The following URB1 variants were observed in gnomAD, a reference collection of about 807,000 sequenced individuals.
The protein encoded by URB1 is URB1 ribosome biogenesis factor, also known as nucleolar pre-ribosomal-associated protein 1.
In URB1, 197 loss-of-function variants were observed where a neutral mutation model predicts 242.3. The ratio of observed to expected loss-of-function variants is 0.81; its 90% CI spans 0.72 to 0.91. URB1 has a LOEUF of 0.91. URB1 is among the 40% of genes least tolerant of loss of function. The probability of loss-of-function intolerance (pLI) is 0.00; values close to 1 mark genes in which losing one functional copy is unlikely to be tolerated. For synonymous variants in URB1, 1,153 were observed against 1,201.8 expected, an observed-to-expected ratio of 0.96 and a Z score of 0.84; for missense variants, 2,721 against 2,860.5, an observed-to-expected ratio of 0.95 and a Z score of 1.11.
Position 32,363,224 on chromosome 21 carries a change from C to G in URB1, c.1441G>C (p.Glu481Gln). The change falls in exon 11 of 39, where the codon GAA (glutamate) becomes CAA (glutamine). Residue 481 changes from glutamate (E) to glutamine (Q), a missense_variant. By Grantham distance (29) the Glu-to-Gln change is conservative. Coordinates refer to ENST00000382751, the MANE Select transcript of URB1 (RefSeq NM_014825.3). ...ATCACAGCTGTGTACACGCCTGATT[C>G]CTGCCACACCTCTTTATTCAGGCAG... ...DHCLNKEVWQESGVYTAVMME... is the reference protein window; with the variant it reads ...DHCLNKEVWQQSGVYTAVMME... 1 of 1,552,132 alleles carries G rather than the reference C, an allele frequency of 6.4e-7. No homozygotes were observed. Among genetic ancestry groups the G allele is most frequent in the Non-Finnish European group, 8.7e-7 (1 of 1,147,086 alleles).
intron 30 of URB1, among the ~76,000 whole-genome samples, chr21:32,328,612 G>A (rs543867208): frequency 6.6e-6 from 1 of 152,264 alleles, no homozygotes; most frequent in South Asian, 2.1e-4. Context: ...AATACATTTG[G>A]GAAAGAGAAA....
chr21:32,334,362 G>A (rs756367010), intron 28 of URB1, 28 bp from the exon 29 acceptor site: 1 of 1,525,054 alleles, frequency 6.6e-7, no homozygotes, highest in African/African-American at 1.4e-5. Flanking sequence ...AAAAGAGACT[G>A]GTCACAGAGC....
chr21:32,369,444 G>T (rs1399286084), intron 8 of URB1, among the ~76,000 whole-genome samples: 2 of 152,054 alleles, frequency 1.3e-5, no homozygotes, highest in Non-Finnish European at 2.9e-5. Context: ...TTGAAAGGGG[G>T]ATTTGTTTTA....
chr21:32,338,646 T>C (rs2123567548), intron 26 of URB1, 61 bp downstream of exon 26: 1 of 1,529,704 alleles, frequency 6.5e-7, no homozygotes, highest in East Asian at 2.5e-5. Flanking sequence ...GTGCAGCCAG[T>C]GTAAGGAAAT....
At chr21:32,369,888 A>G (rs780641736) in intron 8 of URB1, among the ~76,000 whole-genome samples, 1 of 151,834 alleles carries the variant, frequency 6.6e-6, no homozygotes, top group Non-Finnish European at 1.5e-5. Context: ...AGATAATAAA[A>G]GCAGGTGAGC....
Position 32,359,820 on chromosome 21 carries a change from G to A in URB1, c.1845C>T (p.Ser615=), listed in dbSNP as rs1371740871. 16 of 1,546,706 alleles carry A rather than the reference G, an allele frequency of 1.0e-5. No homozygotes were observed. Among genetic ancestry groups the A allele is most frequent in the Middle Eastern group, 1.7e-4 (1 of 5,960 alleles). The change falls in exon 14 of 39, where the codon AGC becomes AGT. Residue 615 remains serine, a synonymous_variant. Coordinates refer to ENST00000382751, the MANE Select transcript of URB1 (RefSeq NM_014825.3). ...MLKVALELPA[S]KFLWLKAQEG... ...CCTGTGCCTTTAACCACAGAAACTT[G>A]CTGGCCGGCAGCTCCAGGGCCACCT...
Position 32,347,803 on chromosome 21 carries a change from C to A in URB1, c.3021G>T (p.Glu1007Asp). 1 of 1,542,826 alleles carries A rather than the reference C, an allele frequency of 6.5e-7. No individual in the cohort carries two copies. The highest frequency in any genetic ancestry group is 8.7e-7 in the Non-Finnish European group (1 of 1,145,416). ...GCCTGAGGATGGCCACAAGCACCTCCTCCAGCGTCTGAAAGGCAGTGACGA... is the reference window on the plus strand; with the variant it reads ...GCCTGAGGATGGCCACAAGCACCTCATCCAGCGTCTGAAAGGCAGTGACGA... ...SLELANDQTL[E>D]EVLVAILRHP... The change falls in exon 22 of 39, where the codon GAG (glutamate) becomes GAT (aspartate). Residue 1007 changes from glutamate (E) to aspartate (D), a missense_variant. Transcript: ENST00000382751.
In URB1 at chr21:32,361,759, C is replaced by T. The variant is rs1356288451; in HGVS notation, c.1639+133G>A. On this transcript the variant is annotated intron_variant, in intron 12 of 38. Coordinates refer to ENST00000382751, the MANE Select transcript of URB1 (RefSeq NM_014825.3). ...CTCCCTAAGCAAAAAAGGATATAGA[C>T]ACATTCACAGCCAGAGGTGCCTTGA... 5 of 1,284,268 alleles carry T rather than the reference C, an allele frequency of 3.9e-6. No homozygotes were observed. In the East Asian group the frequency reaches 7.7e-5, roughly 20 times the overall value. The allele number at this position is 1,284,268 out of a possible 1,614,324, so 79.6% of individuals were successfully genotyped here.
At chr21:32,353,044 G>A in intron 18 of URB1, 138 bp from the exon 19 acceptor site, 1 of 865,612 alleles carries the variant, frequency 1.2e-6, no homozygotes, top group Admixed American at 2.9e-5. Flanking sequence ...ATAACCACAG[G>A]GAAGGAATTG....
intron 5 of URB1, among the ~76,000 whole-genome samples, chr21:32,377,532 A>AG (rs545434234): frequency 2.0e-5 from 3 of 151,920 alleles, no homozygotes; most frequent in Non-Finnish European, 4.4e-5. Flanking sequence ...GGTAACAAGT[A>AG]GGAAAAAAAA....
rs2032613574 is a variant in URB1 at position 32,312,889 on chromosome 21, A to C, written c.*2029T>G. The stretch of plus-strand genomic sequence containing the variant: ...TTTCTAATTTAGCATTTTATATTTT[A>C]AGTCAGGTGAAGACCATGTTCGATC... On this transcript the variant is annotated 3_prime_UTR_variant, in exon 39 of 39. Transcript: ENST00000382751. The C allele has an allele frequency of 6.6e-6, 1 of 152,174 alleles. No homozygotes were observed. Among genetic ancestry groups the C allele is most frequent in the Non-Finnish European group, 1.5e-5 (1 of 68,044 alleles). The allele number at this position is 152,174 out of a possible 1,614,324, so 9.4% of individuals were successfully genotyped here.
intron 12 of URB1, among the ~76,000 whole-genome samples, 179 bp downstream of exon 12, chr21:32,361,713 T>C (rs191733372): frequency 5.3e-5 from 8 of 152,322 alleles, no homozygotes; most frequent in African/African-American, 1.9e-4. Context: ...AAATTCAATC[T>C]ATGATTCCTT....
Position 32,366,724 on chromosome 21 carries a change from G to C in URB1, c.1229C>G (p.Ala410Gly), listed in dbSNP as rs1169726173. Residue 410 changes from alanine (A) to glycine (G), a missense_variant, in exon 10 of 39, where the codon GCA (alanine) becomes GGA (glycine). Coordinates refer to ENST00000382751, the MANE Select transcript of URB1 (RefSeq NM_014825.3). The stretch of plus-strand genomic sequence containing the variant: ...GGGTATAAACTCTCTGGTCTGAAAT[G>C]CCCGGGAAATCTCCGGCTGAGCCTC... The part of the protein sequence containing the change: ...IYEAQPEISR[A>G]FQTREFIPLP... 4.3e-5 allele frequency: 66 copies of C among 1,551,442 alleles called. No individual in the cohort carries two copies. The highest frequency in any genetic ancestry group is 5.1e-5 in the Non-Finnish European group (59 of 1,146,898).
At chr21:32,392,040 G>A (rs2033644988) in intron 1 of URB1, among the ~76,000 whole-genome samples, 1 of 151,638 alleles carries the variant, frequency 6.6e-6, no homozygotes, top group African/African-American at 2.4e-5. Context: ...AAAAAAATGA[G>A]GACAAAAATT....
At chr21:32,362,267 G>T (rs1377243197) in intron 11 of URB1, among the ~76,000 whole-genome samples, 2 of 152,000 alleles carry the variant, frequency 1.3e-5, no homozygotes, top group Admixed American at 1.3e-4. Context: ...GTGCAGTGGG[G>T]TGACCTCAGC....
At chr21:32,339,485 T>C (rs1258388595) in intron 25 of URB1, among the ~76,000 whole-genome samples, 1 of 150,176 alleles carries the variant, frequency 6.7e-6, no homozygotes. Flanking sequence ...TTTATTTTCT[T>C]TTTTTTTTCT....
At chr21:32,383,885 CAA>C (rs757896383) in intron 3 of URB1, among the ~76,000 whole-genome samples, 1 of 152,222 alleles carries the variant, frequency 6.6e-6, no homozygotes, top group Non-Finnish European at 1.5e-5. Flanking sequence ...GACTTCTTCA[CAA>C]AGGCATCTCT....
In URB1 at chr21:32,314,834, A is replaced by C. The variant is rs2032655007; in HGVS notation, c.*84T>G. The C allele has an allele frequency of 4.7e-6, 7 of 1,501,860 alleles. No individual in the cohort carries two copies. Among genetic ancestry groups the C allele is most frequent in the Non-Finnish European group, 6.3e-6 (7 of 1,119,968 alleles). 93.0% of individuals were successfully genotyped at this position (1,501,860 alleles called of 1,614,324 possible). ...GTTGTTTCCCATGCCTTCTCTGGAA[A>C]CCCTTGACTCAACCAAACTTCTAGA... is the stretch of plus-strand genomic sequence containing the variant. On this transcript the variant is annotated 3_prime_UTR_variant, in exon 39 of 39. Coordinates refer to ENST00000382751, the MANE Select transcript of URB1 (RefSeq NM_014825.3).
chr21:32,371,338 C>A (rs2033403881), intron 8 of URB1, among the ~76,000 whole-genome samples: 1 of 152,162 alleles, frequency 6.6e-6, no homozygotes, highest in South Asian at 2.1e-4. Context: ...CAAGTTGATT[C>A]AATATGCTCA....
Sources: allele counts gnomAD v4.1 joint callset (sites outside exome capture counted in the v4.1 genomes callset), GRCh38; gene constraint gnomAD v4.1.1; transcripts MANE v1.5; gene names NCBI Gene and HGNC (gene_info 2026-07-23, HGNC 2026-07-21).